Variants in LIPN observed in about 807,000 individuals in gnomAD.
LIPN encodes the protein lipase member N.
LIPN carries 32 observed loss-of-function variants against 43.7 expected under a neutral mutation model. The observed-to-expected ratio is 0.73, with a 90% CI of 0.55 to 0.98. LIPN has a LOEUF of 0.98. Among genes scored for constraint, LIPN ranks in the 50% least tolerant of loss-of-function variants. The pLI, the probability that LIPN is intolerant of heterozygous loss-of-function variation, is 0.00. For synonymous variants in LIPN, 156 were observed against 157.6 expected, an observed-to-expected ratio of 0.99 and a Z score of 0.08; for missense variants, 505 against 483.8, an observed-to-expected ratio of 1.04 and a Z score of -0.41.
chr10:88,757,797 A>T (rs571745654), upstream of LIPN, among the ~76,000 whole-genome samples: 1 of 152,292 alleles, frequency 6.6e-6, no homozygotes, highest in East Asian at 1.9e-4. Context: ...TAATAATTTT[A>T]CACACACACA....
chr10:88,762,046 C>A, intron 2 of LIPN, 142 bp from the exon 3 acceptor site: 1 of 495,796 alleles, frequency 2.0e-6, no homozygotes, highest in South Asian at 4.1e-5. Context: ...TGTATTAAGA[C>A]TTTATTTATT....
At chr10:88,772,263 C>T (rs556386826) in intron 7 of LIPN, among the ~76,000 whole-genome samples, 10 of 151,780 alleles carry the variant, frequency 6.6e-5, no homozygotes, top group Admixed American at 1.3e-4. Context: ...TTTAGCTTGA[C>T]GTAATCTAAT....
chr10:88,761,567 T>C (rs1322054975), intron 2 of LIPN, 54 bp downstream of exon 2: 2 of 1,252,030 alleles, frequency 1.6e-6, no homozygotes, highest in East Asian at 2.3e-5. Flanking sequence ...TAATGGAGTA[T>C]GAGGTTACGA....
intron 7 of LIPN, 110 bp downstream of exon 7, chr10:88,771,101 C>G: frequency 1.1e-6 from 1 of 923,492 alleles, no homozygotes; most frequent in Non-Finnish European, 1.6e-6. Context: ...ATTCCAAACC[C>G]TTAAAGACAG....
At chr10:88,777,434 G>C (rs1420060240) in intron 9 of LIPN, among the ~76,000 whole-genome samples, 2 of 151,666 alleles carry the variant, frequency 1.3e-5, no homozygotes, top group African/African-American at 4.8e-5. Context: ...TATTCTTTCT[G>C]TAGGTGATTC....
intron 2 of LIPN, among the ~76,000 whole-genome samples, chr10:88,761,884 A>G (rs867008142): frequency 6.6e-6 from 1 of 151,990 alleles, no homozygotes; most frequent in Non-Finnish European, 1.5e-5. Context: ...CTATTGATCT[A>G]TAGTTCTATT....
At chr10:88,767,526 T>A (rs1247819216) in intron 5 of LIPN, among the ~76,000 whole-genome samples, 2 of 151,384 alleles carry the variant, frequency 1.3e-5, no homozygotes, top group African/African-American at 2.4e-5. Context: ...ACCAGATGTA[T>A]CTGATTTCAC....
intron 6 of LIPN, chr10:88,769,584 C>G (rs1346950781): frequency 1.0e-6 from 1 of 982,532 alleles, no homozygotes; most frequent in Non-Finnish European, 1.2e-6. Context: ...AGCATTTAAT[C>G]AAATTCCAGA....
chr10:88,762,262 T>G lies in LIPN; in HGVS notation c.183T>G (p.Leu61=). Residue 61 remains leucine, a synonymous_variant, in exon 3 of 10, where the codon CTT becomes CTG. Transcript: ENST00000404459. ...CCACTGAAGATGGGTATATACTCCT[T>G]GTCAACAGAATTCCTTATGGGCGAA... ...EVTTEDGYIL[L]VNRIPYGRTH... 1 of 1,609,380 alleles carries G rather than the reference T, an allele frequency of 6.2e-7. No individual in the cohort carries two copies. Among genetic ancestry groups the G allele is most frequent in the Non-Finnish European group, 8.5e-7 (1 of 1,177,702 alleles).
At chr10:88,770,822 A>G (rs781485977) in intron 6 of LIPN, 23 bp from the exon 7 acceptor site, 25 of 1,362,948 alleles carry the variant, frequency 1.8e-5, no homozygotes, top group Non-Finnish European at 2.4e-5. Flanking sequence ...TCATTCAAAG[A>G]TAATTATTAT....
At chr10:88,773,116 A>G (rs1207322231) in intron 7 of LIPN, among the ~76,000 whole-genome samples, 1 of 151,370 alleles carries the variant, frequency 6.6e-6, no homozygotes, top group African/African-American at 2.4e-5. Flanking sequence ...CTATCAAAAT[A>G]CCAATGACAT....
chr10:88,773,812 T>C (rs1843250060), intron 7 of LIPN, among the ~76,000 whole-genome samples: 1 of 152,018 alleles, frequency 6.6e-6, no homozygotes, highest in African/African-American at 2.4e-5. Flanking sequence ...TTTAATAGTT[T>C]CTCTTAATTA....
rs747161674 is a variant in LIPN, at chr10:88,762,197, A to G, written c.118A>G (p.Ile40Val). Residue 40 changes from isoleucine to valine, a missense_variant, in exon 3 of 10, where the codon ATC (isoleucine) becomes GTC (valine). Physicochemically the swap from Ile to Val is conservative, Grantham distance 29. Coordinates refer to ENST00000404459, the MANE Select transcript of LIPN (RefSeq NM_001102469.2). ...TATTTTTACTGGGCAGAGTGAAATC[A>G]TCATCTACAATGGCTACCCCAGTGA... The part of the protein sequence containing the change: ...PEVWMNTSEI[I>V]IYNGYPSEEY... The G allele has an allele frequency of 8.2e-6, 13 of 1,582,690 alleles. No individual in the cohort carries two copies. The highest frequency in any genetic ancestry group is 1.7e-4 in the Middle Eastern group (1 of 6,032).
intron 9 of LIPN, among the ~76,000 whole-genome samples, chr10:88,775,726 G>A (rs775354898): frequency 6.6e-6 from 1 of 151,964 alleles, no homozygotes; most frequent in Non-Finnish European, 1.5e-5. Flanking sequence ...GTTTAGCACC[G>A]TACTTTTAAT....
chr10:88,766,429 C>A, intron 5 of LIPN, 51 bp downstream of exon 5: 1 of 1,019,818 alleles, frequency 9.8e-7, no homozygotes, highest in Non-Finnish European at 1.6e-6. Context: ...TCAGTTTTCT[C>A]AGAGTCTTAC....
At position 88,762,201 on chromosome 10, in the gene LIPN, T is replaced by A; in HGVS notation, c.122T>A (p.Ile41Asn). Residue 41 changes from isoleucine to asparagine, a missense_variant, in exon 3 of 10, where the codon ATC (isoleucine) becomes AAC (asparagine). Transcript: ENST00000404459. ...EVWMNTSEII[I>N]YNGYPSEEYE... ...TTTACTGGGCAGAGTGAAATCATCA[T>A]CTACAATGGCTACCCCAGTGAAGAG... 6.3e-7 allele frequency: 1 copy of A among 1,592,934 alleles called. No homozygotes were observed. The highest frequency in any genetic ancestry group is 8.6e-7 in the Non-Finnish European group (1 of 1,163,862).
At chr10:88,771,114 T>A in intron 7 of LIPN, 123 bp downstream of exon 7, 3 of 786,194 alleles carry the variant, frequency 3.8e-6, no homozygotes, top group Middle Eastern at 3.7e-4. Flanking sequence ...AAAGACAGAT[T>A]TTTTTTTGCT....
chr10:88,775,094 T>G lies in LIPN; in HGVS notation c.894T>G (p.Leu298=). The change falls in exon 9 of 10, where the codon CTT becomes CTG. Residue 298 remains leucine (L), a splice_region_variant and synonymous_variant. Coordinates refer to ENST00000404459, the MANE Select transcript of LIPN (RefSeq NM_001102469.2). ...SVHNILHIKQ[L]YHSDEFRAYD... ...TTTCTAAAAAACATTTGTTTCAGCT[T>G]TACCACTCTGATGAATTCAGAGCTT... 6.5e-7 allele frequency: 1 copy of G among 1,535,900 alleles called. No homozygotes were observed. The highest frequency in any genetic ancestry group is 8.8e-7 in the Non-Finnish European group (1 of 1,136,602).
At chr10:88,769,953 GTTAAA>G (rs1171985584) in intron 6 of LIPN, among the ~76,000 whole-genome samples, 1 of 151,872 alleles carries the variant, frequency 6.6e-6, no homozygotes, top group East Asian at 1.9e-4. Context: ...AAACTAATTT[GTTAAA>G]TTAAATTCAG....
Sources: allele counts gnomAD v4.1 joint callset (sites outside exome capture counted in the v4.1 genomes callset), GRCh38; gene constraint gnomAD v4.1.1; transcripts MANE v1.5; gene names NCBI Gene and HGNC (gene_info 2026-07-23, HGNC 2026-07-21).